The following MRPS22 variants were observed in gnomAD, a reference collection of about 807,000 sequenced individuals.
MRPS22 encodes mitochondrial ribosomal protein S22.
A neutral mutation model predicts 44.0 loss-of-function variants in MRPS22; 30 were observed. The observed-to-expected ratio is 0.68, with a 90% CI of 0.51 to 0.93. The LOEUF (loss-of-function observed/expected upper bound fraction) is 0.93. Ranked by LOEUF, MRPS22 falls within the 40% of genes least tolerant of loss-of-function variation. The pLI, the probability that MRPS22 is intolerant of heterozygous loss-of-function variation, is 0.00. For missense variants in MRPS22, 447 were observed against 447.8 expected, an observed-to-expected ratio of 1.00 and a Z score of 0.02; for synonymous variants, 165 against 154.4, an observed-to-expected ratio of 1.07 and a Z score of -0.51.
chr3:139,347,657 AGAGAATGGGCTTT>A (rs1941066325), intron 2 of MRPS22, among the ~76,000 whole-genome samples: 1 of 152,218 alleles, frequency 6.6e-6, no homozygotes, highest in Non-Finnish European at 1.5e-5. Flanking sequence ...TCAATGGTTA[AGAGAATGGGCTTT>A]GAAGTTGGGT....
At chr3:139,355,550 G>C (rs1941232165) in intron 6 of MRPS22, 132 bp from the exon 7 acceptor site, 1 of 779,022 alleles carries the variant, frequency 1.3e-6, no homozygotes, top group South Asian at 1.5e-5. Context: ...TAAAACTGAA[G>C]GTCCTTCCCC....
chr3:139,349,088 A>G (rs527285810), intron 3 of MRPS22: 153 of 333,196 alleles, frequency 4.6e-4, no homozygotes, highest in Non-Finnish European at 7.7e-4. Flanking sequence ...GCTATGTTCA[A>G]CACCAGCCAT....
chr3:139,344,041 A>G lies in MRPS22; in HGVS notation c.15A>G (p.Gly5=). The part of the protein sequence containing the change: MAPL[G]TTVLLWSLLR... Reference sequence around the variant, plus strand: ...TTCTGATAATCATGGCGCCCCTCGGAACAACTGTATTGCTGTGGAGCCTCT... The same window carrying G: ...TTCTGATAATCATGGCGCCCCTCGGGACAACTGTATTGCTGTGGAGCCTCT... The change falls in exon 1 of 8, where the codon GGA becomes GGG. Residue 5 remains glycine (G), a synonymous_variant. Transcript: ENST00000680020. The G allele has an allele frequency of 1.9e-6, 3 of 1,614,146 alleles. No individual in the cohort carries two copies. Among genetic ancestry groups the G allele is most frequent in the Non-Finnish European group, 2.5e-6 (3 of 1,180,020 alleles).
At position 139,351,159 on chromosome 3, in the gene MRPS22, G is replaced by A. The variant is rs76318254; in HGVS notation, c.732+99G>A. ...ATTTCGTTGTAAGTTTTGATACAGGGGAAAGGGAAGAGAAATACCTGAAAA... is the reference window on the plus strand; with the variant it reads ...ATTTCGTTGTAAGTTTTGATACAGGAGAAAGGGAAGAGAAATACCTGAAAA... On this transcript the variant is annotated intron_variant, in intron 5 of 7. Coordinates refer to ENST00000680020, the MANE Select transcript of MRPS22 (RefSeq NM_020191.4). The A allele has an allele frequency of 6.6e-3, 5,813 of 877,974 alleles. 355 individuals are homozygous for A. The East Asian group carries it at 0.13, about 19-fold the overall frequency. The allele number at this position is 877,974 out of a possible 1,614,324, so 54.4% of individuals were successfully genotyped here.
In MRPS22 at chr3:139,346,918, G is replaced by T. The variant is rs781621580; in HGVS notation, c.213G>T (p.Met71Ile). The T allele has an allele frequency of 5.6e-6, 9 of 1,614,016 alleles. No individual in the cohort carries two copies. The Middle Eastern group carries it at 6.6e-4, about 118-fold the overall frequency. ...CAGAGACCAAGAAACCTACATTTATGGATGAGGAAGTTCAAAGCATACTCA... is the reference window on the plus strand; with the variant it reads ...CAGAGACCAAGAAACCTACATTTATTGATGAGGAAGTTCAAAGCATACTCA... Reference protein sequence around the residue: ...GSPETKKPTFMDEEVQSILTK... With the variant: ...GSPETKKPTFIDEEVQSILTK... The change falls in exon 2 of 8, where the codon ATG becomes ATT. Residue 71 changes from methionine to isoleucine, a missense_variant. Transcript: ENST00000680020.
chr3:139,345,452 T>TTG (rs1941023421), intron 1 of MRPS22, among the ~76,000 whole-genome samples: 1 of 132,196 alleles, frequency 7.6e-6, no homozygotes, highest in African/African-American at 2.7e-5. Flanking sequence ...TTTTTTTTGT[T>TTG]TTTTTTTTTT....
At chr3:139,350,518 T>G (rs1184337032) in intron 4 of MRPS22, 196 bp downstream of exon 4, 3 of 580,130 alleles carry the variant, frequency 5.2e-6, no homozygotes, top group Non-Finnish European at 8.9e-6. Context: ...ACCTCCACCT[T>G]CTGGTTTCAA....
intron 7 of MRPS22, among the ~76,000 whole-genome samples, chr3:139,356,380 C>A (rs564966083): frequency 3.3e-5 from 5 of 152,190 alleles, no homozygotes; most frequent in African/African-American, 4.8e-5. Flanking sequence ...TAATTAATTT[C>A]ATCTCTTCTA....
chr3:139,357,102 A>T lies in MRPS22; in HGVS notation c.*88A>T. On this transcript the variant is annotated 3_prime_UTR_variant, in exon 8 of 8. Transcript: ENST00000680020. ...CTAAATGTTAAAAAATGGCCAGATT[A>T]AAAGATATCAATTTGTAGTTCTCCC... The T allele has an allele frequency of 9.2e-7, 1 of 1,090,164 alleles. No homozygotes were observed. Among genetic ancestry groups the T allele is most frequent in the East Asian group, 2.6e-5 (1 of 38,564 alleles). The allele number at this position is 1,090,164 out of a possible 1,614,324, so 67.5% of individuals were successfully genotyped here.
rs769967619 is a variant in MRPS22 at position 139,344,048 on chromosome 3, G to T, written c.22G>T (p.Val8Leu). MAPLGTT[V>L]LLWSLLRSSP... ...AATCATGGCGCCCCTCGGAACAACT[G>T]TATTGCTGTGGAGCCTCTTGAGGAG... The change falls in exon 1 of 8, where the codon GTA becomes TTA. Residue 8 changes from valine to leucine, a missense_variant. By Grantham distance (32) the Val-to-Leu change is conservative. Coordinates refer to ENST00000680020, the MANE Select transcript of MRPS22 (RefSeq NM_020191.4). 23 of 1,614,196 alleles carry T rather than the reference G, an allele frequency of 1.4e-5. No individual in the cohort carries two copies. Among genetic ancestry groups the T allele is most frequent in the Non-Finnish European group, 1.9e-5 (22 of 1,180,032 alleles).
rs867193053 is a variant in MRPS22, at chr3:139,350,194, G to A, written c.520G>A (p.Val174Ile). The A allele has an allele frequency of 1.1e-5, 18 of 1,613,914 alleles. No individual in the cohort carries two copies. The highest frequency in any genetic ancestry group is 1.6e-4 in the Middle Eastern group (1 of 6,082). ...TCTATTTTAGGAGCGTTTTATTGTC[G>A]TCAGAGAACCAAGTGGCACACTACG... is the stretch of plus-strand genomic sequence containing the variant. The part of the protein sequence containing the change: ...SIPHRERFIV[V>I]REPSGTLRKA... The change falls in exon 4 of 8, where the codon GTC becomes ATC. Residue 174 changes from valine (V) to isoleucine (I), a missense_variant. Transcript: ENST00000680020.
Position 139,352,757 on chromosome 3 carries a change from T to G in MRPS22, c.843T>G (p.Ile281Met). The change falls in exon 6 of 8, where the codon ATT becomes ATG. Residue 281 changes from isoleucine to methionine, a missense_variant. Ile to Met is a conservative substitution (Grantham distance 10). Transcript: ENST00000680020. ...MVWYFVNNKK[I>M]DGLLIDQIQR... ...GGTATTTTGTAAATAATAAAAAGAT[T>G]GATGGTTTGCTGATTGACCAGATTC... The G allele has an allele frequency of 6.2e-7, 1 of 1,613,790 alleles. No homozygotes were observed. The highest frequency in any genetic ancestry group is 1.7e-4 in the Middle Eastern group (1 of 6,052).
chr3:139,348,494 G>GC (rs1941088466), intron 3 of MRPS22, 170 bp downstream of exon 3: 1 of 668,892 alleles, frequency 1.5e-6, no homozygotes, highest in Non-Finnish European at 2.7e-6. Context: ...ATGCAGACCA[G>GC]CCCCACATCA....
chr3:139,346,839 C>T, intron 1 of MRPS22, 39 bp from the exon 2 acceptor site: 1 of 1,610,824 alleles, frequency 6.2e-7, no homozygotes, highest in Non-Finnish European at 8.5e-7. Context: ...GTTAGCTTGT[C>T]ATTTTTGTCA....
At chr3:139,354,606 G>A (rs1941210411) in intron 6 of MRPS22, among the ~76,000 whole-genome samples, 1 of 152,156 alleles carries the variant, frequency 6.6e-6, no homozygotes, top group Non-Finnish European at 1.5e-5. Context: ...ATGGCCTTTA[G>A]GGTAGATGAG....
At chr3:139,349,804 A>C (rs983335910) in intron 3 of MRPS22, among the ~76,000 whole-genome samples, 1 of 152,212 alleles carries the variant, frequency 6.6e-6, no homozygotes, top group Admixed American at 6.5e-5. Context: ...ATAGATCATA[A>C]AGTAGTAAAA....
chr3:139,356,046 T>C (rs1319355837), intron 7 of MRPS22, among the ~76,000 whole-genome samples: 4 of 152,162 alleles, frequency 2.6e-5, no homozygotes, highest in Non-Finnish European at 5.9e-5. Flanking sequence ...GTTCTGACAG[T>C]GCAGGGAGCA....
chr3:139,352,943 C>A, intron 6 of MRPS22, 151 bp downstream of exon 6: 2 of 850,402 alleles, frequency 2.4e-6, no homozygotes, highest in Non-Finnish European at 3.6e-6. Context: ...TATAACCTAG[C>A]TCTCCTAGTT....
At chr3:139,351,353 A>C (rs1041207799) in intron 5 of MRPS22, 4 of 404,866 alleles carry the variant, frequency 9.9e-6, no homozygotes, top group African/African-American at 8.2e-5. Flanking sequence ...TTCTCTTTTC[A>C]GTTTACCGTA....
Sources: allele counts gnomAD v4.1 joint callset (sites outside exome capture counted in the v4.1 genomes callset), GRCh38; gene constraint gnomAD v4.1.1; transcripts MANE v1.5; gene names NCBI Gene and HGNC (gene_info 2026-07-23, HGNC 2026-07-21).